PLCG2: variants seen among roughly 807,000 people sequenced by gnomAD.
PLCG2 encodes phospholipase C gamma 2, also known as 1-phosphatidylinositol 4,5-bisphosphate phosphodiesterase gamma-2.
PLCG2 carries 69 observed loss-of-function variants against 175.6 expected under a neutral mutation model. The ratio of observed to expected loss-of-function variants is 0.39; its 90% CI spans 0.32 to 0.48. PLCG2 has a LOEUF of 0.48. PLCG2 is among the 20% of genes least tolerant of loss of function. The pLI is 0.91. For missense variants in PLCG2, 1,798 were observed against 1,650.9 expected, an observed-to-expected ratio of 1.09 and a Z score of -1.54; for synonymous variants, 827 against 624.0, an observed-to-expected ratio of 1.33 and a Z score of -4.85.
chr16:81,860,061 C>T (rs551911962), intron 5 of PLCG2, among the ~76,000 whole-genome samples: 1 of 151,738 alleles, frequency 6.6e-6, no homozygotes, highest in African/African-American at 2.4e-5. Flanking sequence ...GCCGTAAAGT[C>T]CTGGGCTCAA....
intron 2 of PLCG2, among the ~76,000 whole-genome samples, chr16:81,835,204 C>G (rs746007871): frequency 6.6e-6 from 1 of 152,304 alleles, no homozygotes; most frequent in Non-Finnish European, 1.5e-5. Context: ...AATGACTCCT[C>G]TGTCGTAGGG....
rs570913378 is a variant in PLCG2 at position 81,886,465 on chromosome 16, C to T, written c.766-2707C>T. ...GCAATGAAAAGAAAGCTTTACAACT[C>T]GATTCTATATCTGGAGTAAATAGTT... On this transcript the variant is annotated intron_variant, in intron 9 of 32. Transcript: ENST00000564138. 1.8e-4 allele frequency among the ~76,000 whole-genome samples: 28 copies of T among 152,280 alleles called. 1 individual carries two copies. The highest frequency in any genetic ancestry group is 1.6e-3 in the Admixed American group (25 of 15,298).
chr16:81,783,128 C>T (rs8045964), intron 1 of PLCG2: 217,943 of 489,572 alleles, frequency 0.45, 50,431 homozygotes, highest in South Asian at 0.63. Flanking sequence ...TGGTTTCTGT[C>T]TAATTGAAGG....
At chr16:81,837,912 GATTTTCCCCC>G (rs1239138852) in intron 2 of PLCG2, among the ~76,000 whole-genome samples, 1 of 152,018 alleles carries the variant, frequency 6.6e-6, no homozygotes, top group East Asian at 1.9e-4. Context: ...GTCTTATTCA[GATTTTCCCCC>G]ATTTTCCTTG....
rs989753431 is a variant in PLCG2, at chr16:81,759,963, A to G, written c.-48+3997A>G. ...AACACGGTGAAACCCCGTCTCTACTAAAAATACGAAAAATTAGCCGGGAGT... is the reference window on the plus strand; with the variant it reads ...AACACGGTGAAACCCCGTCTCTACTGAAAATACGAAAAATTAGCCGGGAGT... On this transcript the variant is annotated intron_variant, in intron 2 of 5. Coordinates refer to the PLCG2 transcript ENST00000565054. Among the ~76,000 whole-genome samples, 32 of 152,182 alleles carry G rather than the reference A, an allele frequency of 2.1e-4. 1 individual carries two copies. Among genetic ancestry groups the G allele is most frequent in the Non-Finnish European group, 8.8e-5 (6 of 68,036 alleles).
chr16:81,943,430 ACTCACTATCAT>A (rs1251046810), intron 30 of PLCG2, among the ~76,000 whole-genome samples: 1 of 152,068 alleles, frequency 6.6e-6, no homozygotes, highest in Non-Finnish European at 1.5e-5. Context: ...TCTCGTGAGA[ACTCACTATCAT>A]GAGAACAGCA....
chr16:81,931,305 C>T (rs141124014), intron 24 of PLCG2, 192 bp from the exon 25 acceptor site: 20 of 475,800 alleles, frequency 4.2e-5, no homozygotes, highest in African/African-American at 1.5e-4. Flanking sequence ...CCTACTGAAT[C>T]TACTGCATCC....
intron 3 of PLCG2, chr16:81,857,986 A>G (rs1447324851): frequency 2.3e-6 from 1 of 433,164 alleles, no homozygotes; most frequent in African/African-American, 1.9e-5. Flanking sequence ...AGTTCCCACC[A>G]CTCCCTCCAT....
chr16:81,932,233 G>C (rs184736406), intron 25 of PLCG2, among the ~76,000 whole-genome samples: 1 of 142,988 alleles, frequency 7.0e-6, no homozygotes, highest in Non-Finnish European at 1.5e-5. Context: ...TCTGGAATTG[G>C]GCAGACTGGA....
chr16:81,805,767 GTTTTTTTTTTTTTTTGT>G (rs943191397), intron 2 of PLCG2, among the ~76,000 whole-genome samples: 10 of 39,520 alleles, frequency 2.5e-4, no homozygotes, highest in Non-Finnish European at 4.3e-4. Context: ...GTTTTGTTTT[GTTTTTTTTTTTTTTTGT>G]TTTTTTTTTT....
At chr16:81,953,915 C>A (rs1290745060) in intron 31 of PLCG2, among the ~76,000 whole-genome samples, 3 of 152,150 alleles carry the variant, frequency 2.0e-5, no homozygotes, top group Non-Finnish European at 4.4e-5. Flanking sequence ...GCCCGAATAA[C>A]AAATACCCAT....
chr16:81,829,325 C>T (rs1040476814), intron 2 of PLCG2, among the ~76,000 whole-genome samples: 1 of 152,088 alleles, frequency 6.6e-6, no homozygotes, highest in Admixed American at 6.6e-5. Context: ...GTCAGGCTGG[C>T]CTTGAACTCC....
chr16:81,936,646 T>A (rs1033177009), intron 27 of PLCG2, among the ~76,000 whole-genome samples: 14 of 152,154 alleles, frequency 9.2e-5, no homozygotes, highest in African/African-American at 3.1e-4. Context: ...AAAAAGAAAA[T>A]GCATTAGTTC....
At chr16:81,838,278 G>C (rs1178846670) in intron 2 of PLCG2, among the ~76,000 whole-genome samples, 2 of 151,954 alleles carry the variant, frequency 1.3e-5, no homozygotes, top group South Asian at 2.1e-4. Context: ...GTAGAGATGG[G>C]GTTTCACCAT....
intron 2 of PLCG2, among the ~76,000 whole-genome samples, chr16:81,833,733 C>G (rs11645217): frequency 2.0e-5 from 3 of 151,620 alleles, no homozygotes; most frequent in South Asian, 2.1e-4. Flanking sequence ...TGGGAACTTA[C>G]AGCCAAGGTG....
chr16:81,835,181 A>C (rs1295343972), intron 2 of PLCG2, among the ~76,000 whole-genome samples: 4 of 152,322 alleles, frequency 2.6e-5, no homozygotes, highest in Non-Finnish European at 4.4e-5. Context: ...TATGTCTGCA[A>C]AATGGGTATA....
At chr16:81,929,697 G>A (rs1910422079) in intron 24 of PLCG2, among the ~76,000 whole-genome samples, 1 of 152,172 alleles carries the variant, frequency 6.6e-6, no homozygotes, top group Non-Finnish European at 1.5e-5. Flanking sequence ...TGCCCAGCCT[G>A]CTTTCCACAT....
At chr16:81,802,297 A>G (rs1911764300) in intron 2 of PLCG2, among the ~76,000 whole-genome samples, 1 of 149,962 alleles carries the variant, frequency 6.7e-6, no homozygotes, top group Non-Finnish European at 1.5e-5. Flanking sequence ...TATTTTTAGT[A>G]GAGATGGGGT....
chr16:81,868,712 G>T (rs1907365376), intron 5 of PLCG2, among the ~76,000 whole-genome samples: 1 of 152,232 alleles, frequency 6.6e-6, no homozygotes, highest in African/African-American at 2.4e-5. Context: ...TGGGCCTTTG[G>T]CATTTCTGTG....
Sources: allele counts gnomAD v4.1 joint callset (sites outside exome capture counted in the v4.1 genomes callset), GRCh38; gene constraint gnomAD v4.1.1; transcripts MANE v1.5; gene names NCBI Gene and HGNC (gene_info 2026-07-23, HGNC 2026-07-21).